Variants in TENM2 observed in about 807,000 individuals in gnomAD.
TENM2 encodes teneurin-2.
In TENM2, 52 loss-of-function variants were observed where a neutral mutation model predicts 245.2. The observed-to-expected ratio is 0.21, with a 90% CI of 0.17 to 0.27. The LOEUF (loss-of-function observed/expected upper bound fraction) is 0.27. Ranked by LOEUF, TENM2 falls within the 10% of genes least tolerant of loss-of-function variation. The pLI is 1.00. For synonymous variants in TENM2, 1,363 were observed against 1,438.9 expected, an observed-to-expected ratio of 0.95 and a Z score of 1.19; for missense variants, 3,046 against 3,666.8, an observed-to-expected ratio of 0.83 and a Z score of 4.37.
intron 14 of TENM2, among the ~76,000 whole-genome samples, chr5:168,193,717 C>T (rs572335711): frequency 1.3e-5 from 2 of 152,334 alleles, no homozygotes; most frequent in East Asian, 1.9e-4. Flanking sequence ...TCATCACGAG[C>T]ACTGTGTACC....
chr5:167,090,866 T>C, the TENM2 span, among the ~76,000 whole-genome samples: 1 of 130,092 alleles, frequency 7.7e-6, no homozygotes, highest in Non-Finnish European at 1.6e-5. Context: ...ATATTGGCAT[T>C]TGTGCTAAAA....
chr5:167,256,847 A>G, the TENM2 span, among the ~76,000 whole-genome samples: 3 of 152,170 alleles, frequency 2.0e-5, no homozygotes, highest in South Asian at 6.2e-4. Context: ...GGAAAAAGAA[A>G]AGAGAAAGTG....
chr5:167,832,502 A>G (rs1768590827), intron 2 of TENM2, among the ~76,000 whole-genome samples: 1 of 152,234 alleles, frequency 6.6e-6, no homozygotes, highest in South Asian at 2.1e-4. Flanking sequence ...AAAAACAGAA[A>G]GTTGCAGAGC....
chr5:167,753,705 G>A lies in TENM2; in HGVS notation c.503-122281G>A, dbSNP rs192087332. ...GATTTGAACTCATGAATGTCCTATC[G>A]TCAATTTGGGAGGCTTAAACATGCT... On this transcript the variant is annotated intron_variant, in intron 2 of 28. Coordinates refer to ENST00000518659, the Ensembl canonical transcript of TENM2. Among the ~76,000 whole-genome samples the A allele has an allele frequency of 1.4e-4, 21 of 152,264 alleles. No individual in the cohort carries two copies. In the East Asian group the frequency reaches 1.9e-3, roughly 14 times the overall value.
At chr5:168,206,406 G>A (rs1270553570) in intron 19 of TENM2, among the ~76,000 whole-genome samples, 1 of 152,250 alleles carries the variant, frequency 6.6e-6, no homozygotes, top group Non-Finnish European at 1.5e-5. Context: ...TACAGAAGGG[G>A]ATGAAACACA....
chr5:167,143,273 G>T, the TENM2 span, among the ~76,000 whole-genome samples: 3 of 152,154 alleles, frequency 2.0e-5, no homozygotes, highest in Non-Finnish European at 4.4e-5. Flanking sequence ...GGTTTGCTTG[G>T]CAAGAATGTC....
chr5:167,220,648 GTA>G, the TENM2 span, among the ~76,000 whole-genome samples: 1 of 152,132 alleles, frequency 6.6e-6, no homozygotes, highest in Non-Finnish European at 1.5e-5. Context: ...GGAGAGGACT[GTA>G]TTCAAATCTC....
chr5:167,680,032 T>A (rs771140305), intron 2 of TENM2, among the ~76,000 whole-genome samples: 1 of 152,150 alleles, frequency 6.6e-6, no homozygotes, highest in Non-Finnish European at 1.5e-5. Flanking sequence ...TGTTAACTCC[T>A]TACCCTGTGT....
chr5:167,592,824 C>T (rs1775967768), intron 2 of TENM2, among the ~76,000 whole-genome samples: 3 of 151,992 alleles, frequency 2.0e-5, no homozygotes, highest in Admixed American at 6.5e-5. Context: ...GAAAAACATA[C>T]ATTTGATTTT....
At chr5:167,646,177 C>CATATATATATATGTTGTTTTCATATAT (rs1561634043) in intron 2 of TENM2, among the ~76,000 whole-genome samples, 53 of 84,148 alleles carry the variant, frequency 6.3e-4, no homozygotes, top group African/African-American at 2.1e-3. Flanking sequence ...ATGTTGTTTT[C>CATATATATATATGTTGTTTTCATATAT]ATATATATAT....
At chr5:167,478,483 G>T (rs1485400682) in intron 2 of TENM2, among the ~76,000 whole-genome samples, 1 of 152,154 alleles carries the variant, frequency 6.6e-6, no homozygotes, top group Non-Finnish European at 1.5e-5. Context: ...CTTGTAGCTT[G>T]TGCATTGTTT....
At chr5:167,162,037 G>A in the TENM2 span, among the ~76,000 whole-genome samples, 1 of 151,402 alleles carries the variant, frequency 6.6e-6, no homozygotes, top group African/African-American at 2.4e-5. Flanking sequence ...GTGGTGGCAC[G>A]TACCTGTAGT....
At chr5:167,952,661 T>TCAC (rs1780208689) in exon 4 of TENM2, 2 of 1,612,422 alleles carry the variant, frequency 1.2e-6, no homozygotes, top group African/African-American at 1.3e-5. Flanking sequence ...CGCTGTCCCA[T>TCAC]CACCACTCGT....
chr5:167,668,353 C>T (rs1011657220), intron 2 of TENM2, among the ~76,000 whole-genome samples: 8 of 152,124 alleles, frequency 5.3e-5, no homozygotes, highest in Non-Finnish European at 8.8e-5. Flanking sequence ...ATTTATACTG[C>T]TTATGACTCC....
chr5:167,588,347 G>A (rs910634166), intron 2 of TENM2, among the ~76,000 whole-genome samples: 6 of 152,118 alleles, frequency 3.9e-5, no homozygotes, highest in African/African-American at 1.2e-4. Flanking sequence ...TTGAATATTC[G>A]TGCATCACAT....
chr5:167,123,964 C>G, the TENM2 span, among the ~76,000 whole-genome samples: 435 of 152,292 alleles, frequency 2.9e-3, 1 homozygote, highest in African/African-American at 9.0e-3. Flanking sequence ...GATTTGAGCC[C>G]TGAATGAGTA....
chr5:167,102,268 T>C, the TENM2 span, among the ~76,000 whole-genome samples: 1 of 152,062 alleles, frequency 6.6e-6, no homozygotes, highest in Non-Finnish European at 1.5e-5. Context: ...ATTTCAATGT[T>C]GCCACAGCTA....
chr5:167,716,411 C>A (rs1759259655), intron 2 of TENM2, among the ~76,000 whole-genome samples: 1 of 152,074 alleles, frequency 6.6e-6, no homozygotes, highest in Non-Finnish European at 1.5e-5. Flanking sequence ...GAGTTTATAC[C>A]AAGATTCAAG....
chr5:166,989,683 C>T, the TENM2 span, among the ~76,000 whole-genome samples: 2 of 151,582 alleles, frequency 1.3e-5, no homozygotes, highest in African/African-American at 4.9e-5. Flanking sequence ...TGAGCCACTG[C>T]ACCTGGCCTA....
Sources: gnomAD v4.1 joint callset for allele counts (sites outside exome capture counted in the v4.1 genomes callset) on GRCh38, gnomAD v4.1.1 for gene constraint, MANE v1.5 for transcripts, NCBI Gene and HGNC (gene_info 2026-07-23, HGNC 2026-07-21) for gene names.